The following ABR variants were observed in gnomAD, a reference collection of about 807,000 sequenced individuals.
The protein encoded by ABR is active breakpoint cluster region-related protein.
A neutral mutation model predicts 107.2 loss-of-function variants in ABR; 35 were observed. The ratio of observed to expected loss-of-function variants is 0.33; its 90% CI spans 0.25 to 0.43. The LOEUF (loss-of-function observed/expected upper bound fraction) is 0.43. Among genes scored for constraint, ABR ranks in the 20% least tolerant of loss-of-function variants. The pLI is 1.00. For synonymous variants in ABR, 498 were observed against 462.0 expected (o/e 1.08, Z -1.00); for missense variants, 815 against 1,115.2 (o/e 0.73, Z 3.83).
In ABR at chr17:1,038,035, G is replaced by A. The variant is rs920310648; in HGVS notation, c.1791+12015C>T. On this transcript the variant is annotated intron_variant, in intron 16 of 22. Transcript: ENST00000302538. ...CCGACGTCTCCCTGCCCACCTCGTC[G>A]GATAAAAGCAGAAGCAGAGAGAGCA... Among the ~76,000 whole-genome samples, 10 of 152,174 alleles carry A rather than the reference G, an allele frequency of 6.6e-5. 1 individual carries two copies. Among genetic ancestry groups the A allele is most frequent in the South Asian group, 2.1e-4 (1 of 4,834 alleles).
upstream of ABR, among the ~76,000 whole-genome samples, chr17:1,181,459 C>T (rs547992841): frequency 1.3e-5 from 2 of 152,160 alleles, no homozygotes; most frequent in Non-Finnish European, 2.9e-5. Flanking sequence ...AGGGCTCCCT[C>T]CGCCCCAATC....
intron 1 of ABR, among the ~76,000 whole-genome samples, chr17:1,134,950 G>C (rs943828970): frequency 1.3e-5 from 2 of 152,248 alleles, no homozygotes; most frequent in East Asian, 1.9e-4. Flanking sequence ...CGCTGCGGGG[G>C]TTAAACTGGA....
chr17:1,036,367 G>A (rs2150951841), intron 16 of ABR, among the ~76,000 whole-genome samples: 1 of 152,282 alleles, frequency 6.6e-6, no homozygotes, highest in South Asian at 2.1e-4. Flanking sequence ...GAGGGGATGT[G>A]GCTCAGGTCT....
intron 2 of ABR, among the ~76,000 whole-genome samples, chr17:1,114,143 C>T (rs1223919027): frequency 1.4e-5 from 2 of 137,980 alleles, no homozygotes; most frequent in South Asian, 2.3e-4. Flanking sequence ...GTGTTCCAGA[C>T]TGGGCCACAG....
chr17:1,091,495 G>A (rs2289632), intron 4 of ABR, among the ~76,000 whole-genome samples, 170 bp downstream of exon 4: 8 of 152,116 alleles, frequency 5.3e-5, no homozygotes, highest in East Asian at 1.9e-4. Flanking sequence ...TCAAGGCCCC[G>A]GCCCCAGGCA....
At chr17:1,169,805 G>A (rs962050469) in intron 1 of ABR, among the ~76,000 whole-genome samples, 22 of 152,150 alleles carry the variant, frequency 1.4e-4, no homozygotes, top group African/African-American at 4.3e-4. Flanking sequence ...AAATGTGGAG[G>A]TGGATTTTAA....
intron 1 of ABR, among the ~76,000 whole-genome samples, chr17:1,207,119 C>T (rs958141254): frequency 1.3e-5 from 2 of 150,408 alleles, no homozygotes; most frequent in African/African-American, 4.9e-5. Context: ...CATTGTGGTT[C>T]GTGCCTATAG....
intron 1 of ABR, among the ~76,000 whole-genome samples, chr17:1,172,993 C>A (rs1246793742): frequency 3.7e-5 from 5 of 136,798 alleles, no homozygotes; most frequent in East Asian, 4.2e-4. Flanking sequence ...CACCTCAGTC[C>A]ACCCAACACA....
chr17:1,031,117 T>G (rs1401963940), intron 16 of ABR, among the ~76,000 whole-genome samples: 1 of 151,912 alleles, frequency 6.6e-6, no homozygotes, highest in Middle Eastern at 3.2e-3. Context: ...AAGGGAAGCC[T>G]CGAGCCCCCA....
intron 1 of ABR, among the ~76,000 whole-genome samples, chr17:1,158,387 C>T (rs546661933): frequency 2.0e-5 from 3 of 151,856 alleles, no homozygotes; most frequent in East Asian, 3.9e-4. Context: ...TGAACCACCG[C>T]GCCCAGCCGT....
chr17:1,218,829 A>G (rs2043060985), intron 1 of ABR, among the ~76,000 whole-genome samples: 1 of 152,158 alleles, frequency 6.6e-6, no homozygotes, highest in African/African-American at 2.4e-5. Context: ...AGACCTTGGA[A>G]AACTGCAGTG....
Position 1,107,877 on chromosome 17 carries a change from C to T in ABR, c.247-7142G>A, listed in dbSNP as rs79755987. Among the ~76,000 whole-genome samples the T allele has an allele frequency of 3.1e-4, 47 of 152,326 alleles. No individual in the cohort carries two copies. In the East Asian group the frequency reaches 9.1e-3, roughly 29 times the overall value. On this transcript the variant is annotated intron_variant, in intron 2 of 22. Transcript: ENST00000302538. ...CCATACTCACACATCAGCCATCTCC[C>T]GTGGTTCTGCATCTATTTTTACCTC...
At chr17:1,056,538 T>A (rs975983164) in intron 13 of ABR, among the ~76,000 whole-genome samples, 1 of 152,010 alleles carries the variant, frequency 6.6e-6, no homozygotes, top group Non-Finnish European at 1.5e-5. Flanking sequence ...GCAGCTAGAA[T>A]ACACCCACTC....
intron 6 of ABR, chr17:1,079,007 GGGGGA>G (rs2035978584): frequency 1.4e-6 from 2 of 1,464,762 alleles, no homozygotes; most frequent in African/African-American, 2.8e-5. Context: ...CTTCCAGCAA[GGGGGA>G]GGGGAGGGAG....
rs1203726365 is a variant in ABR at position 1,005,516 on chromosome 17, C to T, written c.*564G>A. ...AAACAGACCACTGCTGCCGCGGCAA[C>T]CCAGGGCCTCTTCAGAGCTTTCAAG... On this transcript the variant is annotated 3_prime_UTR_variant, in exon 23 of 23. Coordinates refer to ENST00000302538, the MANE Select transcript of ABR (RefSeq NM_021962.5). 3 of 215,042 alleles carry T rather than the reference C, an allele frequency of 1.4e-5. No homozygotes were observed. The highest frequency in any genetic ancestry group is 1.8e-5 in the Non-Finnish European group (2 of 110,016). The allele number at this position is 215,042 out of a possible 1,614,324, so 13.3% of individuals were successfully genotyped here.
chr17:1,068,721 C>A (rs2034966770), intron 9 of ABR, among the ~76,000 whole-genome samples: 3 of 152,258 alleles, frequency 2.0e-5, no homozygotes, highest in South Asian at 2.1e-4. Context: ...TCCAGTCCCA[C>A]CCTCCCGGGT....
intron 1 of ABR, among the ~76,000 whole-genome samples, chr17:1,203,239 A>C (rs1342329526): frequency 6.6e-6 from 1 of 151,566 alleles, no homozygotes; most frequent in African/African-American, 2.4e-5. Flanking sequence ...GATCCTGGGG[A>C]GACTCCTTGG....
chr17:1,229,229 C>A (rs867182945), exon 1 of ABR, among the ~76,000 whole-genome samples: 3 of 151,668 alleles, frequency 2.0e-5, no homozygotes, highest in Non-Finnish European at 4.4e-5. Context: ...CCTCCCGGGC[C>A]CGGAACCGCA....
chr17:1,024,049 A>AAAAAAAAAAAAAAAAAAG (rs2071963289), intron 16 of ABR, among the ~76,000 whole-genome samples: 2 of 140,536 alleles, frequency 1.4e-5, no homozygotes, highest in African/African-American at 5.4e-5. Flanking sequence ...AAAAAAAAAA[A>AAAAAAAAAAAAAAAAAAG]GCAGCATCAA....
Sources: gnomAD v4.1 joint callset for allele counts (sites outside exome capture counted in the v4.1 genomes callset) on GRCh38, gnomAD v4.1.1 for gene constraint, MANE v1.5 for transcripts, NCBI Gene and HGNC (gene_info 2026-07-23, HGNC 2026-07-21) for gene names.